ARMH4: variants seen among roughly 807,000 people sequenced by gnomAD.
ARMH4 encodes the protein armadillo like helical domain containing 4, also known as armadillo-like helical domain-containing protein 4.
A neutral mutation model predicts 61.9 loss-of-function variants in ARMH4; 49 were observed. That is an observed-to-expected ratio of 0.79 (90% CI 0.63 to 1.00). The LOEUF is 1.00. Among genes scored for constraint, ARMH4 ranks in the 50% least tolerant of loss-of-function variants. The pLI is 0.00. For synonymous variants in ARMH4, 368 were observed against 341.5 expected (o/e 1.08, Z -0.85); for missense variants, 934 against 930.0 (o/e 1.00, Z -0.06).
intron 5 of ARMH4, among the ~76,000 whole-genome samples, chr14:58,091,815 G>A (rs1340745163): frequency 2.0e-5 from 3 of 152,102 alleles, no homozygotes; most frequent in Non-Finnish European, 4.4e-5. Flanking sequence ...TGCTACTAGC[G>A]TTTGACCCAT....
intron 5 of ARMH4, among the ~76,000 whole-genome samples, chr14:58,073,082 C>A (rs1296933780): frequency 1.3e-5 from 2 of 152,116 alleles, no homozygotes; most frequent in Admixed American, 6.5e-5. Flanking sequence ...GCATAGCAAA[C>A]ACAGTTCCTC....
chr14:58,137,818 C>T (rs1338734237), intron 2 of ARMH4, among the ~76,000 whole-genome samples, 172 bp downstream of exon 2: 2 of 152,066 alleles, frequency 1.3e-5, no homozygotes, highest in African/African-American at 2.4e-5. Context: ...AACTCCTGCG[C>T]CCAAGCAATC....
intron 5 of ARMH4, among the ~76,000 whole-genome samples, chr14:58,036,699 A>T (rs1194037677): frequency 4.8e-5 from 6 of 124,524 alleles, no homozygotes; most frequent in African/African-American, 1.8e-4. Flanking sequence ...CAACTTCAGC[A>T]AAGTCTCAGG....
At chr14:58,091,384 T>C (rs1262626464) in intron 5 of ARMH4, among the ~76,000 whole-genome samples, 2 of 152,262 alleles carry the variant, frequency 1.3e-5, no homozygotes, top group Admixed American at 6.5e-5. Flanking sequence ...TGGGAAAAAC[T>C]TGTGTCACTC....
intron 5 of ARMH4, among the ~76,000 whole-genome samples, chr14:58,025,458 G>C (rs1882990178): frequency 6.6e-6 from 1 of 152,054 alleles, no homozygotes; most frequent in South Asian, 2.1e-4. Flanking sequence ...CTTAATCAAT[G>C]AAAAGAGAAA....
chr14:58,026,537 T>C (rs907182300), intron 5 of ARMH4, among the ~76,000 whole-genome samples: 10 of 152,160 alleles, frequency 6.6e-5, no homozygotes, highest in Non-Finnish European at 1.5e-4. Flanking sequence ...TAGTTTGGCC[T>C]TCATACTTTA....
At chr14:58,012,592 C>G (rs562026781) in intron 5 of ARMH4, among the ~76,000 whole-genome samples, 70 of 152,264 alleles carry the variant, frequency 4.6e-4, no homozygotes, top group Non-Finnish European at 5.6e-4. Flanking sequence ...AATAAGCAAG[C>G]CCAGGTTGCC....
At chr14:58,098,986 G>C (rs950761059) in intron 4 of ARMH4, among the ~76,000 whole-genome samples, 10 of 152,176 alleles carry the variant, frequency 6.6e-5, no homozygotes, top group Admixed American at 5.2e-4. Flanking sequence ...GGAAAGAGGA[G>C]AGAGGTAGTC....
At chr14:58,128,087 A>C (rs1263513367) in intron 4 of ARMH4, among the ~76,000 whole-genome samples, 1 of 152,214 alleles carries the variant, frequency 6.6e-6, no homozygotes, top group Non-Finnish European at 1.5e-5. Flanking sequence ...GGGTATACAG[A>C]AAGAATAAAA....
chr14:58,093,342 T>C lies in ARMH4; in HGVS notation c.2089+3382A>G, dbSNP rs114467959. Among the ~76,000 whole-genome samples the C allele has an allele frequency of 9.1e-3, 1,378 of 152,174 alleles. 18 individuals carry two copies. The highest frequency in any genetic ancestry group is 0.031 in the African/African-American group (1,291 of 41,524). ...CTGAGTAGCTGGGACTACAGGCACA[T>C]ACCACCCTCAGCTAACTTTCTGCAG... On this transcript the variant is annotated intron_variant, in intron 5 of 7. Coordinates refer to ENST00000267485, the MANE Select transcript of ARMH4 (RefSeq NM_001001872.4).
At chr14:58,012,041 T>G (rs1882427597) in intron 6 of ARMH4, 78 bp downstream of exon 6, 1 of 1,022,828 alleles carries the variant, frequency 9.8e-7, no homozygotes, top group Non-Finnish European at 1.5e-6. Flanking sequence ...ACCAAAGCCC[T>G]ACTACTCTGA....
At chr14:58,099,388 A>G (rs1407440615) in intron 4 of ARMH4, among the ~76,000 whole-genome samples, 1 of 152,162 alleles carries the variant, frequency 6.6e-6, no homozygotes, top group Non-Finnish European at 1.5e-5. Context: ...GGTGGGAGAA[A>G]ATCCAAGAAG....
At chr14:58,133,061 A>C (rs1263813121) in intron 3 of ARMH4, 29 bp downstream of exon 3, 1 of 1,611,156 alleles carries the variant, frequency 6.2e-7, no homozygotes, top group Non-Finnish European at 8.5e-7. Flanking sequence ...CCACCCCCAA[A>C]ACAGAGTCCA....
At chr14:58,026,554 A>G (rs8019000) in intron 5 of ARMH4, among the ~76,000 whole-genome samples, 40,905 of 151,802 alleles carry the variant, frequency 0.27, 5,635 homozygotes, top group Non-Finnish European at 0.3. Flanking sequence ...TTTATTTTTA[A>G]CAGAAAGTTT....
At chr14:58,060,907 C>T (rs1192791790) in intron 5 of ARMH4, among the ~76,000 whole-genome samples, 2 of 152,064 alleles carry the variant, frequency 1.3e-5, no homozygotes, top group Non-Finnish European at 2.9e-5. Flanking sequence ...AACAATAATG[C>T]TTTATTCTCC....
At chr14:58,027,249 T>C (rs1203302425) in intron 5 of ARMH4, among the ~76,000 whole-genome samples, 3 of 152,220 alleles carry the variant, frequency 2.0e-5, no homozygotes, top group African/African-American at 7.2e-5. Context: ...ATAGTGCCCA[T>C]AGCTAATGAT....
intron 5 of ARMH4, among the ~76,000 whole-genome samples, chr14:58,029,896 G>A (rs1594703365): frequency 3.3e-5 from 5 of 152,184 alleles, no homozygotes; most frequent in Admixed American, 3.3e-4. Context: ...AAACAAATAC[G>A]TGTACACGAA....
chr14:58,122,174 C>G (rs1886745523), intron 4 of ARMH4, among the ~76,000 whole-genome samples: 1 of 152,200 alleles, frequency 6.6e-6, no homozygotes, highest in East Asian at 1.9e-4. Context: ...GGAGACAGTT[C>G]AAGCCTATCA....
intron 1 of ARMH4, among the ~76,000 whole-genome samples, chr14:58,146,134 C>T (rs779575060): frequency 1.3e-4 from 20 of 152,260 alleles, no homozygotes; most frequent in Non-Finnish European, 2.2e-4. Context: ...TATCCCCTTC[C>T]TGGCAATGTG....
Sources: gnomAD v4.1 joint callset for allele counts (sites outside exome capture counted in the v4.1 genomes callset) on GRCh38, gnomAD v4.1.1 for gene constraint, MANE v1.5 for transcripts, NCBI Gene and HGNC (gene_info 2026-07-23, HGNC 2026-07-21) for gene names.